KLF7: variants seen among roughly 807,000 people sequenced by gnomAD.
KLF7 encodes KLF transcription factor 7.
In KLF7, 2 loss-of-function variants were observed where a neutral mutation model predicts 27.3. The observed-to-expected ratio is 0.07, with a 90% CI of 0.03 to 0.23. The LOEUF (loss-of-function observed/expected upper bound fraction) is 0.23, where lower values mean the gene tolerates loss of function less well. KLF7 is among the 10% of genes least tolerant of loss of function. The pLI is 1.00. For missense variants in KLF7, 221 were observed against 394.1 expected, an observed-to-expected ratio of 0.56 and a Z score of 3.72; for synonymous variants, 165 against 162.4, an observed-to-expected ratio of 1.02 and a Z score of -0.12.
At chr2:207,118,630 G>A (rs764835349) in intron 2 of KLF7, among the ~76,000 whole-genome samples, 17 of 152,270 alleles carry the variant, frequency 1.1e-4, no homozygotes, top group Non-Finnish European at 1.8e-4. Flanking sequence ...GCTGTGTGAC[G>A]CCAGGCAAAT....
chr2:207,159,642 C>T (rs1041225330), intron 1 of KLF7, among the ~76,000 whole-genome samples: 2 of 152,092 alleles, frequency 1.3e-5, no homozygotes, highest in African/African-American at 4.8e-5. Flanking sequence ...ATATAAACAA[C>T]AAAAATCCCA....
intron 1 of KLF7, among the ~76,000 whole-genome samples, chr2:207,138,541 T>C (rs921374404): frequency 1.7e-4 from 26 of 152,224 alleles, no homozygotes; most frequent in African/African-American, 6.0e-4. Context: ...TAGTTAATGG[T>C]GAGTTCATTC....
chr2:207,131,012 C>CT (rs1158945572), intron 1 of KLF7, among the ~76,000 whole-genome samples: 2 of 152,172 alleles, frequency 1.3e-5, no homozygotes, highest in East Asian at 3.8e-4. Flanking sequence ...GTCATTCCAC[C>CT]TATCTCGCCT....
At chr2:207,118,127 G>C (rs2077237783) in intron 2 of KLF7, among the ~76,000 whole-genome samples, 1 of 152,174 alleles carries the variant, frequency 6.6e-6, no homozygotes, top group African/African-American at 2.4e-5. Flanking sequence ...CCTGAACCAA[G>C]TTACTTTTTT....
upstream of KLF7, among the ~76,000 whole-genome samples, chr2:207,167,765 G>T (rs932560093): frequency 6.6e-6 from 1 of 152,188 alleles, no homozygotes; most frequent in Non-Finnish European, 1.5e-5. Flanking sequence ...GTCAGAACTT[G>T]TATCTACCCA....
At chr2:207,134,936 C>T (rs2077744028) in intron 1 of KLF7, among the ~76,000 whole-genome samples, 1 of 152,222 alleles carries the variant, frequency 6.6e-6, no homozygotes. Context: ...GGCATGCACA[C>T]TCTGTATGTT....
intron 3 of KLF7, among the ~76,000 whole-genome samples, chr2:207,086,603 T>C (rs1236275118): frequency 1.3e-5 from 2 of 152,214 alleles, no homozygotes; most frequent in African/African-American, 2.4e-5. Context: ...CTGACATCTC[T>C]TTCAGTGAAA....
At chr2:207,135,820 A>G (rs180892747) in intron 1 of KLF7, among the ~76,000 whole-genome samples, 296 of 142,504 alleles carry the variant, frequency 2.1e-3, no homozygotes, top group African/African-American at 7.1e-3. Context: ...TTTCATTTGG[A>G]AAAAAAAAAA....
chr2:207,149,225 G>A (rs773985752), intron 1 of KLF7: 1 of 1,184,914 alleles, frequency 8.4e-7, no homozygotes, highest in South Asian at 1.3e-5. Context: ...TTAAAAATCT[G>A]TTAAAAGCAA....
chr2:207,150,596 A>G (rs1480813022), intron 1 of KLF7, among the ~76,000 whole-genome samples: 1 of 152,236 alleles, frequency 6.6e-6, no homozygotes, highest in African/African-American at 2.4e-5. Flanking sequence ...GAGCAATCCT[A>G]CTATCATAAG....
intron 2 of KLF7, among the ~76,000 whole-genome samples, chr2:207,093,060 T>C (rs1371784269): frequency 1.3e-5 from 2 of 152,146 alleles, no homozygotes; most frequent in African/African-American, 4.8e-5. Context: ...GTCAAAGCAA[T>C]CCTTTGAAAA....
chr2:207,155,365 T>C (rs1437541182), intron 1 of KLF7, among the ~76,000 whole-genome samples: 2 of 152,188 alleles, frequency 1.3e-5, no homozygotes, highest in Admixed American at 1.3e-4. Context: ...TGCAACTCAT[T>C]TGCTTTGCAG....
Position 207,075,026 on chromosome 2 carries a change from C to G in KLF7, c.*6187G>C, listed in dbSNP as rs970545486. On this transcript the variant is annotated 3_prime_UTR_variant, in exon 4 of 4. Transcript: ENST00000309446. ...CTTTCACGAAGTATGTAAGTACCCA[C>G]TTGCGTCTTTCGAAGATTTTTTTCC... The G allele has an allele frequency of 7.2e-5, 11 of 152,298 alleles. No homozygotes were observed. The highest frequency in any genetic ancestry group is 1.3e-4 in the Non-Finnish European group (9 of 68,024). The allele number at this position is 152,298 out of a possible 1,614,324, so 9.4% of individuals were successfully genotyped here.
chr2:207,098,041 T>C (rs1049636287), intron 2 of KLF7, among the ~76,000 whole-genome samples: 1 of 152,208 alleles, frequency 6.6e-6, no homozygotes, highest in Non-Finnish European at 1.5e-5. Context: ...ACAACACTTA[T>C]ACCTGAAGCT....
rs139972370 is a variant in KLF7, at chr2:207,077,234, G to A, written c.*3979C>T. ...ATAAAATGCAGGAATAAAGGCAAGA[G>A]GCAATGTTCCGAATGCACTGGAAGA... On this transcript the variant is annotated 3_prime_UTR_variant, in exon 4 of 4. Transcript: ENST00000309446. The A allele has an allele frequency of 3.9e-4, 60 of 152,318 alleles. 1 individual carries two copies. The highest frequency in any genetic ancestry group is 1.3e-3 in the Admixed American group (20 of 15,302). The allele number at this position is 152,318 out of a possible 1,614,324, so 9.4% of individuals were successfully genotyped here.
chr2:207,091,999 G>C (rs966635020), intron 2 of KLF7, among the ~76,000 whole-genome samples: 3 of 152,304 alleles, frequency 2.0e-5, no homozygotes, highest in African/African-American at 7.2e-5. Context: ...TTATGAGAGA[G>C]AGGAAAACTG....
rs79064721 is a variant in KLF7 at position 207,155,218 on chromosome 2, G to T, written c.102+10249C>A. Among the ~76,000 whole-genome samples the T allele has an allele frequency of 4.7e-3, 709 of 152,298 alleles. 7 individuals are homozygous for T. The highest frequency in any genetic ancestry group is 0.016 in the African/African-American group (678 of 41,564). On this transcript the variant is annotated intron_variant, in intron 1 of 3. Coordinates refer to ENST00000309446, the MANE Select transcript of KLF7 (RefSeq NM_003709.4). Reference sequence around the variant, plus strand: ...GTTGTGAGCATTCATTGAAATGATGGATACAGGTGCTCAAATGAGATCATC... The same window carrying T: ...GTTGTGAGCATTCATTGAAATGATGTATACAGGTGCTCAAATGAGATCATC...
At chr2:207,164,361 T>C (rs896570918) in intron 1 of KLF7, among the ~76,000 whole-genome samples, 2 of 152,148 alleles carry the variant, frequency 1.3e-5, no homozygotes, top group Non-Finnish European at 2.9e-5. Context: ...GGACGGACTG[T>C]ACAAGTTCAC....
intron 1 of KLF7, among the ~76,000 whole-genome samples, chr2:207,146,737 A>C (rs373038934): frequency 6.6e-4 from 100 of 152,266 alleles, no homozygotes; most frequent in South Asian, 1.2e-3. Context: ...AGAAAAAAAA[A>C]CCAGAAAAAC....
Sources: gnomAD v4.1 joint callset for allele counts (sites outside exome capture counted in the v4.1 genomes callset) on GRCh38, gnomAD v4.1.1 for gene constraint, MANE v1.5 for transcripts, NCBI Gene and HGNC (gene_info 2026-07-23, HGNC 2026-07-21) for gene names.